Variants in SUPT5H observed in about 807,000 individuals in gnomAD.
SUPT5H encodes the protein SPT5 homolog, DSIF elongation factor subunit.
SUPT5H carries 24 observed loss-of-function variants against 142.5 expected under a neutral mutation model. The ratio of observed to expected loss-of-function variants is 0.17; its 90% CI spans 0.12 to 0.24. The LOEUF is 0.24. Ranked by LOEUF, SUPT5H falls within the 10% of genes least tolerant of loss-of-function variation. SUPT5H has a pLI of 1.00. For missense variants in SUPT5H, 893 were observed against 1,471.8 expected (o/e 0.61, Z 6.43); for synonymous variants, 546 against 553.0 (o/e 0.99, Z 0.18).
chr19:39,470,619 T>C lies in SUPT5H; in HGVS notation c.1677+96T>C. ...GGAGGTGGCAGAGCCCCCAGACTGCTCTGGGTTGCAGATCTGGCTCTGTCA... is the reference window on the plus strand; with the variant it reads ...GGAGGTGGCAGAGCCCCCAGACTGCCCTGGGTTGCAGATCTGGCTCTGTCA... On this transcript the variant is annotated intron_variant, in intron 18 of 29. Transcript: ENST00000432763. This position sits in a 1 kb window ranked among gnomAD's most constrained non-coding sequence, Gnocchi z 5.8. 1.5e-6 allele frequency: 2 copies of C among 1,378,710 alleles called. No homozygotes were observed. Among genetic ancestry groups the C allele is most frequent in the Non-Finnish European group, 1.9e-6 (2 of 1,039,262 alleles). 85.4% of individuals were successfully genotyped at this position (1,378,710 alleles called of 1,614,324 possible). A position where few individuals can be genotyped will look rare whatever the true frequency, so the allele number is the denominator to read the frequency against.
intron 13 of SUPT5H, chr19:39,467,005 G>A (rs891090333): frequency 1.0e-5 from 5 of 482,296 alleles, no homozygotes; most frequent in East Asian, 3.5e-5. Context: ...CAAGGAGTTC[G>A]AGACCAGCCT....
intron 10 of SUPT5H, among the ~76,000 whole-genome samples, chr19:39,461,932 C>CT (rs1414655744): frequency 6.6e-6 from 1 of 151,760 alleles, no homozygotes; most frequent in Non-Finnish European, 1.5e-5. Context: ...AGTTATGTCT[C>CT]TGATTATTAT....
In SUPT5H at chr19:39,464,946, A is replaced by G. The variant is rs1371267518; in HGVS notation, c.773A>G (p.Lys258Arg). 6.8e-6 allele frequency: 11 copies of G among 1,614,136 alleles called. No individual in the cohort carries two copies. Among genetic ancestry groups the G allele is most frequent in the Non-Finnish European group, 9.3e-6 (11 of 1,180,056 alleles). Residue 258 changes from lysine (K) to arginine (R), a missense_variant, in exon 11 of 30, where the codon AAG (lysine) becomes AGG (arginine). This residue lies in a region of SUPT5H where 428 missense variants were observed against 763.5 expected (regional missense o/e 0.56). Coordinates refer to ENST00000432763, the MANE Select transcript of SUPT5H (RefSeq NM_001111020.3). ...GYWNQQMVPI[K>R]EMTDVLKVVK... ...TGGAACCAGCAGATGGTGCCCATCAAGGAGATGACAGACGTGCTCAAAGTG... is the reference window on the plus strand; with the variant it reads ...TGGAACCAGCAGATGGTGCCCATCAGGGAGATGACAGACGTGCTCAAAGTG...
chr19:39,475,054 A>T, intron 28 of SUPT5H: 1 of 374,272 alleles, frequency 2.7e-6, no homozygotes, highest in Non-Finnish European at 5.0e-6. Flanking sequence ...GGCACATTCC[A>T]GGAGCTGAAG....
rs776193809 is a variant in SUPT5H, at chr19:39,474,097, C to T, written c.2627C>T (p.Pro876Leu). Residue 876 changes from proline to leucine, a missense_variant, in exon 26 of 30, where the codon CCG becomes CTG. Transcript: ENST00000432763. This position sits in a 1 kb window ranked among gnomAD's most constrained non-coding sequence, Gnocchi z 6.5. Reference protein sequence around the residue: ...SSPQVNPQYNPQTPGTPAMYN... With the variant: ...SSPQVNPQYNLQTPGTPAMYN... ...CCACAGGTCAACCCACAATACAACC[C>T]GCAGACGCCAGGGACGCCGGCCATG... 36 of 1,602,086 alleles carry T rather than the reference C, an allele frequency of 2.2e-5. No homozygotes were observed. The highest frequency in any genetic ancestry group is 3.4e-5 in the South Asian group (3 of 89,512).
At position 39,472,325 on chromosome 19, in the gene SUPT5H, G is replaced by A; in HGVS notation, c.1951-84G>A. 1 of 1,365,500 alleles carries A rather than the reference G, an allele frequency of 7.3e-7. No individual in the cohort carries two copies. The highest frequency in any genetic ancestry group is 1.0e-6 in the Non-Finnish European group (1 of 961,126). 84.6% of individuals were successfully genotyped at this position (1,365,500 alleles called of 1,614,324 possible). A position where few individuals can be genotyped will look rare whatever the true frequency, so the allele number is the denominator to read the frequency against. ...TGGGTGGCTGGGTGGTCTCCTCAGG[G>A]CCCTGCACGTGGGATGATGAGTTCC... On this transcript the variant is annotated intron_variant, in intron 20 of 29. Coordinates refer to ENST00000432763, the MANE Select transcript of SUPT5H (RefSeq NM_001111020.3). This position sits in a 1 kb window ranked among gnomAD's most constrained non-coding sequence, Gnocchi z 4.2.
Position 39,474,099 on chromosome 19 carries a change from C to T in SUPT5H, c.2629C>T (p.Gln877Ter), listed in dbSNP as rs2079366395. The T allele has an allele frequency of 6.2e-7, 1 of 1,602,102 alleles. No individual in the cohort carries two copies. Among genetic ancestry groups the T allele is most frequent in the Non-Finnish European group, 8.5e-7 (1 of 1,172,946 alleles). Residue 877 changes from glutamine to a stop codon, truncating the protein, a stop_gained, in exon 26 of 30, where the codon CAG becomes TAG. Coordinates refer to ENST00000432763, the MANE Select transcript of SUPT5H (RefSeq NM_001111020.3). LOFTEE classifies it high-confidence loss of function. This position sits in a 1 kb window ranked among gnomAD's most constrained non-coding sequence, Gnocchi z 6.5. ...ACAGGTCAACCCACAATACAACCCG[C>T]AGACGCCAGGGACGCCGGCCATGTG... ...SPQVNPQYNP[Q>*]TPGTPAMYNT...
rs2079357474 is a variant in SUPT5H at position 39,473,637 on chromosome 19, C to G, written c.2492+116C>G. Reference sequence around the variant, plus strand: ...CCACCCAGCATTCTCTGCTCCTAGCCTCAGGCTGGTCCCTTTGAAGGAGGA... The same window carrying G: ...CCACCCAGCATTCTCTGCTCCTAGCGTCAGGCTGGTCCCTTTGAAGGAGGA... On this transcript the variant is annotated intron_variant, in intron 25 of 29. Coordinates refer to ENST00000432763, the MANE Select transcript of SUPT5H (RefSeq NM_001111020.3). The surrounding 1 kb of genome is among the most constrained non-coding windows in gnomAD (Gnocchi z 5.8). The G allele has an allele frequency of 5.7e-6, 7 of 1,229,534 alleles. No individual in the cohort carries two copies. In the South Asian group the frequency reaches 7.2e-5, roughly 13 times the overall value. 76.2% of individuals were successfully genotyped at this position (1,229,534 alleles called of 1,614,324 possible).
chr19:39,461,226 G>A (rs1009229803), intron 10 of SUPT5H, among the ~76,000 whole-genome samples: 1 of 151,906 alleles, frequency 6.6e-6, no homozygotes, highest in African/African-American at 2.4e-5. Context: ...GGAGGCAGAG[G>A]TTACAGTGAG....
chr19:39,450,493 G>C (rs1286204399), intron 2 of SUPT5H, among the ~76,000 whole-genome samples: 1 of 152,234 alleles, frequency 6.6e-6, no homozygotes, highest in Non-Finnish European at 1.5e-5. Context: ...CCAGCACTGA[G>C]AGAGTATGGT....
At position 39,458,805 on chromosome 19, in the gene SUPT5H, CA is replaced by C. The variant is rs1312626284; in HGVS notation, c.320-12del. On this transcript the variant is annotated splice_polypyrimidine_tract_variant and intron_variant, in intron 5 of 29. Coordinates refer to ENST00000432763, the MANE Select transcript of SUPT5H (RefSeq NM_001111020.3). This position sits in a 1 kb window ranked among gnomAD's most constrained non-coding sequence, Gnocchi z 4.2. ...CCTGCCCTTGCTCACGCCCTCTGCC[CA>C]TTATTTTTCAGCCTCCAATATCGAT... The C allele has an allele frequency of 6.2e-7, 1 of 1,607,346 alleles. No homozygotes were observed. The highest frequency in any genetic ancestry group is 8.5e-7 in the Non-Finnish European group (1 of 1,175,536).
intron 10 of SUPT5H, among the ~76,000 whole-genome samples, chr19:39,463,554 C>T (rs991453789): frequency 6.6e-6 from 1 of 152,134 alleles, no homozygotes; most frequent in Non-Finnish European, 1.5e-5. Context: ...TTAATATGCC[C>T]TTGAGAAGAA....
In SUPT5H at chr19:39,458,018, C is replaced by G; in HGVS notation, c.308-276C>G. On this transcript the variant is annotated intron_variant, in intron 4 of 29. Coordinates refer to ENST00000432763, the MANE Select transcript of SUPT5H (RefSeq NM_001111020.3). The surrounding 1 kb of genome is among the most constrained non-coding windows in gnomAD (Gnocchi z 4.2). Reference sequence around the variant, plus strand: ...TCTGGGGTTGTAGGGTGGGCGAGCTCTGTCCCAAGATACCCCCCACTTCCT... The same window carrying G: ...TCTGGGGTTGTAGGGTGGGCGAGCTGTGTCCCAAGATACCCCCCACTTCCT... 1.4e-6 allele frequency: 1 copy of G among 739,044 alleles called. No homozygotes were observed. The highest frequency in any genetic ancestry group is 2.2e-6 in the Non-Finnish European group (1 of 447,472). 45.8% of individuals were successfully genotyped at this position (739,044 alleles called of 1,614,324 possible).
rs545167241 is a variant in SUPT5H, at chr19:39,449,046, C to T, written c.75+3081C>T. ...CAGAGCTTGCAGTGAGCAGAGATCG[C>T]ACCATTGCACTCCAGCCTGGGAGAC... On this transcript the variant is annotated intron_variant, in intron 2 of 29. Transcript: ENST00000432763. Among the ~76,000 whole-genome samples, 10 of 128,016 alleles carry T rather than the reference C, an allele frequency of 7.8e-5. 2 individuals are homozygous for T. The South Asian group carries it at 2.8e-3, about 36-fold the overall frequency. The allele number at this position is 128,016 out of a possible 152,430, so 84.0% of individuals were successfully genotyped here. A position where few individuals can be genotyped will look rare whatever the true frequency, so the allele number is the denominator to read the frequency against.
At chr19:39,455,265 A>T (rs2079072595) in intron 3 of SUPT5H, among the ~76,000 whole-genome samples, 2 of 152,122 alleles carry the variant, frequency 1.3e-5, no homozygotes, top group South Asian at 4.1e-4. Flanking sequence ...CGGTGTGTTA[A>T]AAAAATTACG....
intron 4 of SUPT5H, chr19:39,457,965 C>T: frequency 1.1e-6 from 1 of 873,624 alleles, no homozygotes; most frequent in Non-Finnish European, 1.8e-6. Flanking sequence ...GGAGAGGACT[C>T]TGGGATCCCA....
intron 2 of SUPT5H, among the ~76,000 whole-genome samples, chr19:39,446,265 A>G (rs1490385558): frequency 2.6e-5 from 4 of 152,238 alleles, no homozygotes; most frequent in East Asian, 1.9e-4. Flanking sequence ...TTCCATAACT[A>G]TATTTGTAGT....
chr19:39,456,407 TTTGTTG>T (rs71169596), intron 3 of SUPT5H, among the ~76,000 whole-genome samples: 1 of 147,164 alleles, frequency 6.8e-6, no homozygotes, highest in African/African-American at 2.5e-5. Flanking sequence ...ACTGTTTTTT[TTTGTTG>T]TTGTTGTTGT....
At chr19:39,459,634 G>A in intron 9 of SUPT5H, 45 bp downstream of exon 9, 1 of 1,612,024 alleles carries the variant, frequency 6.2e-7, no homozygotes, top group Non-Finnish European at 8.5e-7. Flanking sequence ...GGAGAATGAG[G>A]GAGGCTGCTT....
Sources: allele counts gnomAD v4.1 joint callset (sites outside exome capture counted in the v4.1 genomes callset), GRCh38; gene constraint gnomAD v4.1.1; regional missense constraint gnomAD v4.1.1; non-coding constraint Gnocchi (gnomAD v3.1); transcripts MANE v1.5; gene names NCBI Gene and HGNC (gene_info 2026-07-23, HGNC 2026-07-21).